The following ZNF710 variants were observed in gnomAD, a reference collection of about 807,000 sequenced individuals.
The protein encoded by ZNF710 is zinc finger protein 710.
ZNF710 carries 13 observed loss-of-function variants against 50.6 expected under a neutral mutation model. The observed-to-expected ratio is 0.26, with a 90% CI of 0.17 to 0.41. The LOEUF (loss-of-function observed/expected upper bound fraction) is 0.41, where lower values mean the gene tolerates loss of function less well. Ranked by LOEUF, ZNF710 falls within the 10% of genes least tolerant of loss-of-function variation. ZNF710 has a pLI of 1.00. For synonymous variants in ZNF710, 383 were observed against 397.0 expected (o/e 0.96, Z 0.42); for missense variants, 721 against 936.6 (o/e 0.77, Z 3.01).
chr15:90,029,829 G>T (rs1260781281), intron 1 of ZNF710, among the ~76,000 whole-genome samples: 2 of 151,386 alleles, frequency 1.3e-5, no homozygotes, highest in East Asian at 2.0e-4. Context: ...TGGCCAGGCT[G>T]GTCTCAAACT....
At chr15:90,074,605 T>C (rs927151334) in intron 4 of ZNF710, 18 of 1,034,918 alleles carry the variant, frequency 1.7e-5, no homozygotes, top group African/African-American at 4.9e-5. Flanking sequence ...GGCTCTGTCA[T>C]TGTCATCGTT....
intron 1 of ZNF710, among the ~76,000 whole-genome samples, chr15:90,051,234 G>A (rs1336321463): frequency 7.0e-5 from 10 of 142,074 alleles, no homozygotes; most frequent in African/African-American, 1.1e-4. Flanking sequence ...GCCAGACTCC[G>A]TCTCAAAAAA....
At position 90,033,091 on chromosome 15, in the gene ZNF710, G is replaced by A. The variant is rs1898996724; in HGVS notation, c.-29+31477G>A. Among the ~76,000 whole-genome samples the A allele has an allele frequency of 4.6e-5, 7 of 152,280 alleles. No individual in the cohort carries two copies. In the South Asian group the frequency reaches 1.5e-3, roughly 32 times the overall value. The stretch of plus-strand genomic sequence containing the variant: ...TGCTGTTCTGCACAATGTTAACCAA[G>A]CAAGAGGAGGAGCTAAACATAGAAA... On this transcript the variant is annotated intron_variant, in intron 1 of 4. Coordinates refer to ENST00000268154, the MANE Select transcript of ZNF710 (RefSeq NM_198526.4).
At chr15:90,058,815 A>AC (rs1297054508) in intron 1 of ZNF710, among the ~76,000 whole-genome samples, 1 of 151,776 alleles carries the variant, frequency 6.6e-6, no homozygotes, top group Non-Finnish European at 1.5e-5. Flanking sequence ...TGCAGGGCAG[A>AC]CCCGGGGGCT....
intron 1 of ZNF710, among the ~76,000 whole-genome samples, chr15:90,050,586 C>G (rs549152599): frequency 2.8e-4 from 43 of 152,292 alleles, no homozygotes; most frequent in Admixed American, 1.2e-3. Flanking sequence ...GTTAAACCCC[C>G]TAACAACTCC....
At chr15:90,029,611 T>A (rs1021200619) in intron 1 of ZNF710, among the ~76,000 whole-genome samples, 2 of 151,828 alleles carry the variant, frequency 1.3e-5, no homozygotes, top group Admixed American at 1.3e-4. Flanking sequence ...TACAAAAAAA[T>A]TTTTTGTTCT....
rs1249328904 is a variant in ZNF710 at position 90,068,241 on chromosome 15, C to T, written c.1104C>T (p.Arg368=). 1 of 1,613,570 alleles carries T rather than the reference C, an allele frequency of 6.2e-7. No individual in the cohort carries two copies. The highest frequency in any genetic ancestry group is 1.1e-5 in the South Asian group (1 of 91,086). Residue 368 remains arginine (R), a synonymous_variant, in exon 2 of 5, where the codon CGC becomes CGT. Transcript: ENST00000268154. The surrounding 1 kb of genome is among the most constrained non-coding windows in gnomAD (Gnocchi z 5.0). ...TCACGCAGACCAGCCACCTCAAGCG[C>T]CACATGCTGCTGCACTCGGAGGTCA... ...KAFTQTSHLK[R]HMLLHSEVKP...
chr15:90,047,747 C>G (rs1221338649), intron 1 of ZNF710, among the ~76,000 whole-genome samples: 2 of 151,934 alleles, frequency 1.3e-5, no homozygotes, highest in African/African-American at 2.4e-5. Context: ...CCGCACCGGG[C>G]TGATTTTTGT....
intron 1 of ZNF710, among the ~76,000 whole-genome samples, chr15:90,058,448 G>A (rs1233066826): frequency 6.6e-6 from 1 of 152,112 alleles, no homozygotes; most frequent in Non-Finnish European, 1.5e-5. Flanking sequence ...GAACTCTCAG[G>A]CAAGAGTTTC....
intron 1 of ZNF710, among the ~76,000 whole-genome samples, chr15:90,002,019 C>CGCGGCG (rs755847079): frequency 2.2e-4 from 32 of 146,790 alleles, no homozygotes; most frequent in East Asian, 1.1e-3. Flanking sequence ...AGGAAAGCGT[C>CGCGGCG]GCGGCGGCGG....
chr15:90,067,224 C>G lies in ZNF710; in HGVS notation c.87C>G (p.Ser29=), dbSNP rs147511121. Residue 29 remains serine (S), a synonymous_variant, in exon 2 of 5, where the codon TCC becomes TCG. Transcript: ENST00000268154. This position sits in a 1 kb window ranked among gnomAD's most constrained non-coding sequence, Gnocchi z 8.1. ...LAQAAVLGLV[S]ENELFGATIS... is the part of the protein sequence containing the mutation. ...AGGCCGCCGTGCTTGGCCTGGTCTC[C>G]GAAAATGAGCTCTTTGGAGCTACCA... 2 of 1,613,620 alleles carry G rather than the reference C, an allele frequency of 1.2e-6. No homozygotes were observed. The highest frequency in any genetic ancestry group is 1.3e-5 in the African/African-American group (1 of 74,932).
At chr15:90,064,343 C>T (rs2151522891) in intron 1 of ZNF710, among the ~76,000 whole-genome samples, 1 of 152,342 alleles carries the variant, frequency 6.6e-6, no homozygotes, top group East Asian at 1.9e-4. Context: ...ATTTATTGTA[C>T]AAATGAATGA....
intron 1 of ZNF710, among the ~76,000 whole-genome samples, chr15:90,005,896 A>G (rs983632681): frequency 6.6e-6 from 1 of 152,144 alleles, no homozygotes; most frequent in African/African-American, 2.4e-5. Context: ...CTCATTTGGC[A>G]GAGGAGTTAA....
intron 1 of ZNF710, among the ~76,000 whole-genome samples, chr15:90,009,683 A>C (rs888200443): frequency 1.3e-5 from 2 of 151,930 alleles, no homozygotes; most frequent in African/African-American, 4.8e-5. Context: ...CTACAGCTAC[A>C]GTCACACCTC....
chr15:90,012,914 T>A (rs1303029190), intron 1 of ZNF710, among the ~76,000 whole-genome samples: 1 of 152,192 alleles, frequency 6.6e-6, no homozygotes, highest in East Asian at 1.9e-4. Context: ...CTCCTTGTGT[T>A]TTTTAATTCC....
rs1272364782 is a variant in ZNF710 at position 90,036,758 on chromosome 15, G to A, written c.-28-30352G>A. On this transcript the variant is annotated intron_variant, in intron 1 of 4. Transcript: ENST00000268154. ...ATCCTCTTCACACAGGAACCAGAAGGGTCTTCAGCAACATGCATGGGATCG... is the reference window on the plus strand; with the variant it reads ...ATCCTCTTCACACAGGAACCAGAAGAGTCTTCAGCAACATGCATGGGATCG... Among the ~76,000 whole-genome samples, 4 of 152,112 alleles carry A rather than the reference G, an allele frequency of 2.6e-5. No individual in the cohort carries two copies. In the South Asian group the frequency reaches 8.3e-4, roughly 32 times the overall value.
At chr15:90,061,263 T>C (rs1184674174) in intron 1 of ZNF710, among the ~76,000 whole-genome samples, 1 of 152,154 alleles carries the variant, frequency 6.6e-6, no homozygotes, top group East Asian at 1.9e-4. Flanking sequence ...CTTCGCCTCC[T>C]GGGCTCAAGC....
At chr15:90,036,594 C>T (rs1351264449) in intron 1 of ZNF710, among the ~76,000 whole-genome samples, 1 of 152,116 alleles carries the variant, frequency 6.6e-6, no homozygotes, top group Non-Finnish European at 1.5e-5. Flanking sequence ...GAAAGAAAGC[C>T]TGCTCCATTA....
At chr15:90,019,187 C>CTTTTTTTT (rs11285838) in intron 1 of ZNF710, among the ~76,000 whole-genome samples, 92 of 89,388 alleles carry the variant, frequency 1.0e-3, no homozygotes, top group African/African-American at 1.5e-3. Flanking sequence ...CTTTTTCTTT[C>CTTTTTTTT]TTTTTTTTTT....
Sources: gnomAD v4.1 joint callset for allele counts (sites outside exome capture counted in the v4.1 genomes callset) on GRCh38, gnomAD v4.1.1 for gene constraint, Gnocchi (gnomAD v3.1) non-coding constraint, MANE v1.5 for transcripts, NCBI Gene and HGNC (gene_info 2026-07-23, HGNC 2026-07-21) for gene names.